The following RNF25 variants were observed in gnomAD, a reference collection of about 807,000 sequenced individuals.
The protein encoded by RNF25 is E3 ubiquitin-protein ligase RNF25.
RNF25 carries 32 observed loss-of-function variants against 65.0 expected under a neutral mutation model. That is an observed-to-expected ratio of 0.49 (90% CI 0.37 to 0.66). The LOEUF (loss-of-function observed/expected upper bound fraction) is 0.66. RNF25 is among the 30% of genes least tolerant of loss of function. The probability of loss-of-function intolerance (pLI) is 0.00; values close to 1 mark genes in which losing one functional copy is unlikely to be tolerated. For synonymous variants in RNF25, 207 were observed against 221.2 expected (o/e 0.94, Z 0.57); for missense variants, 493 against 584.8 (o/e 0.84, Z 1.62).
At position 218,668,079 on chromosome 2, in the gene RNF25, G is replaced by T. The variant is rs772692453; in HGVS notation, c.287C>A (p.Thr96Lys). ...CCCTGTTCTGACAGGTTCAACTTAC[G>T]TGTGGATCTGTTCATCTGAAAGTCC... ...PRGLSDEQIH[T>K]ILQVLGHVAK... is the part of the protein sequence containing the mutation. Residue 96 changes from threonine (T) to lysine (K), a missense_variant and splice_region_variant, in exon 4 of 10, where the codon ACG (threonine) becomes AAG (lysine). By Grantham distance (78) the Thr-to-Lys change is moderately conservative (BLOSUM62 -1). Transcript: ENST00000295704. 3 of 1,614,008 alleles carry T rather than the reference G, an allele frequency of 1.9e-6. No individual in the cohort carries two copies. In the Admixed American group the frequency reaches 5.0e-5, roughly 27 times the overall value.
chr2:218,665,559 A>G (rs1167840029), intron 7 of RNF25, among the ~76,000 whole-genome samples: 2 of 152,136 alleles, frequency 1.3e-5, no homozygotes, highest in Admixed American at 6.5e-5. Context: ...CCTGGCCAAC[A>G]TGGTGAAACC....
In RNF25 at chr2:218,663,977, C is replaced by G. The variant is rs193118439; in HGVS notation, c.1360G>C (p.Glu454Gln). ...PGTRRESLGLESKDGS is the reference protein window; with the variant it reads ...PGTRRESLGLQSKDGS The stretch of plus-strand genomic sequence containing the variant: ...TCCTGCTAGGAACCATCCTTAGATT[C>G]CAGGCCCAGGGACTCCCTCCGAGTA... Residue 454 changes from glutamate (E) to glutamine (Q), a missense_variant, in exon 10 of 10, where the codon GAA becomes CAA. This residue lies in a region of RNF25 where 351 missense variants were observed against 400.2 expected (regional missense o/e 0.88). Coordinates refer to ENST00000295704, the MANE Select transcript of RNF25 (RefSeq NM_022453.3). The G allele has an allele frequency of 7.3e-5, 106 of 1,453,368 alleles. No individual in the cohort carries two copies. The Admixed American group carries it at 2.7e-3, about 36-fold the overall frequency. The allele number at this position is 1,453,368 out of a possible 1,614,324, so 90.0% of individuals were successfully genotyped here.
chr2:218,670,737 C>T (rs977253993), intron 1 of RNF25, among the ~76,000 whole-genome samples: 2 of 148,586 alleles, frequency 1.3e-5, no homozygotes, highest in African/African-American at 2.5e-5. Context: ...GGAGTGGGGA[C>T]TGAAGAATGT....
Position 218,664,359 on chromosome 2 carries a change from C to T in RNF25, c.978G>A (p.Gln326=), listed in dbSNP as rs1396166427. 5 of 1,614,196 alleles carry T rather than the reference C, an allele frequency of 3.1e-6. No individual in the cohort carries two copies. Among genetic ancestry groups the T allele is most frequent in the Non-Finnish European group, 3.4e-6 (4 of 1,180,042 alleles). ...CTTTCTGGGTTTCGCCCAACCTTTG[C>T]TGATTTGACCTGGTCCCTGGAATCT... The part of the protein sequence containing the change: ...CEKIPGTRSN[Q]QRLGETQKAM... Residue 326 remains glutamine, a synonymous_variant, in exon 10 of 10, where the codon CAG becomes CAA. Transcript: ENST00000295704. The surrounding 1 kb of genome is among the most constrained non-coding windows in gnomAD (Gnocchi z 5.1).
intron 7 of RNF25, among the ~76,000 whole-genome samples, chr2:218,665,547 A>T (rs1415440608): frequency 1.3e-5 from 2 of 152,126 alleles, no homozygotes; most frequent in Non-Finnish European, 2.9e-5. Flanking sequence ...GTTTGAGACC[A>T]GCCTGGCCAA....
rs115868270 is a variant in RNF25, at chr2:218,664,309, C to T, written c.1028G>A (p.Ser343Asn). Residue 343 changes from serine (S) to asparagine (N), a missense_variant, in exon 10 of 10, where the codon AGT (serine) becomes AAT (asparagine). By Grantham distance (46) the Ser-to-Asn change is conservative. Transcript: ENST00000295704. This position sits in a 1 kb window ranked among gnomAD's most constrained non-coding sequence, Gnocchi z 5.1. ...TTCGGGCTGTCGCCAGGGACCTCGA[C>T]TGGGCTTGGGGGGATCTAGCATAGC... is the stretch of plus-strand genomic sequence containing the variant. ...QKAMLDPPKP[S>N]RGPWRQPERR... 3.7e-6 allele frequency: 6 copies of T among 1,612,452 alleles called. No individual in the cohort carries two copies. Among genetic ancestry groups the T allele is most frequent in the Admixed American group, 3.3e-5 (2 of 59,960 alleles).
chr2:218,668,718 C>T (rs751010553), intron 1 of RNF25, 39 bp from the exon 2 acceptor site: 1 of 1,438,118 alleles, frequency 7.0e-7, no homozygotes, highest in Admixed American at 1.7e-5. Context: ...CATTACAGCT[C>T]TCCCTGTGGA....
At chr2:218,665,029 T>C (rs1939791331) in intron 8 of RNF25, 126 bp downstream of exon 8, 10 of 1,431,916 alleles carry the variant, frequency 7.0e-6, no homozygotes, top group Non-Finnish European at 9.7e-6. Context: ...GATGTGGCTT[T>C]GCAGAGAGGT....
At chr2:218,666,465 T>C (rs1227463277) in intron 5 of RNF25, among the ~76,000 whole-genome samples, 1 of 152,234 alleles carries the variant, frequency 6.6e-6, no homozygotes, top group Non-Finnish European at 1.5e-5. Context: ...AACCTAATTG[T>C]TTTTCCTTTC....
In RNF25 at chr2:218,663,945, C is replaced by CA. The variant is rs1215902598; in HGVS notation, c.*11dup. On this transcript the variant is annotated 3_prime_UTR_variant, in exon 10 of 10. Transcript: ENST00000295704. Reference sequence around the variant, plus strand: ...CCCATCCCCAATTCCCTGTTCCCCCCACCAAGTCCTGCTAGGAACCATCCT... The same window carrying CA: ...CCCATCCCCAATTCCCTGTTCCCCCCAACCAAGTCCTGCTAGGAACCATCCT... The CA allele has an allele frequency of 2.5e-5, 36 of 1,427,796 alleles. No homozygotes were observed. The highest frequency in any genetic ancestry group is 3.3e-5 in the Non-Finnish European group (36 of 1,087,880). 88.4% of individuals were successfully genotyped at this position (1,427,796 alleles called of 1,614,324 possible). A position where few individuals can be genotyped will look rare whatever the true frequency, so the allele number is the denominator to read the frequency against.
intron 7 of RNF25, 56 bp downstream of exon 7, chr2:218,665,860 T>G: frequency 6.4e-7 from 1 of 1,560,230 alleles, no homozygotes; most frequent in Non-Finnish European, 8.7e-7. Flanking sequence ...TGGAAAAGTT[T>G]GTGAAAGGCT....
At position 218,664,915 on chromosome 2, in the gene RNF25, A is replaced by G; in HGVS notation, c.667-42T>C. 1.9e-6 allele frequency: 3 copies of G among 1,612,042 alleles called. No homozygotes were observed. Among genetic ancestry groups the G allele is most frequent in the Non-Finnish European group, 2.5e-6 (3 of 1,179,130 alleles). On this transcript the variant is annotated intron_variant, in intron 8 of 9. Coordinates refer to ENST00000295704, the MANE Select transcript of RNF25 (RefSeq NM_022453.3). This position sits in a 1 kb window ranked among gnomAD's most constrained non-coding sequence, Gnocchi z 5.1. The stretch of plus-strand genomic sequence containing the variant: ...CAGAGAGGAAATAATGAACAGCAGA[A>G]GGCTGACTCAAACCTCTACTCCTCC...
Position 218,664,304 on chromosome 2 carries a change from C to T in RNF25, c.1033G>A (p.Gly345Ser), listed in dbSNP as rs1461116397. 1 of 1,611,990 alleles carries T rather than the reference C, an allele frequency of 6.2e-7. No individual in the cohort carries two copies. The highest frequency in any genetic ancestry group is 1.7e-5 in the Admixed American group (1 of 59,954). ...AMLDPPKPSR[G>S]PWRQPERRHP... ...CTCCGTTCGGGCTGTCGCCAGGGAC[C>T]TCGACTGGGCTTGGGGGGATCTAGC... The change falls in exon 10 of 10, where the codon GGT becomes AGT. Residue 345 changes from glycine to serine, a missense_variant. Coordinates refer to ENST00000295704, the MANE Select transcript of RNF25 (RefSeq NM_022453.3). This position sits in a 1 kb window ranked among gnomAD's most constrained non-coding sequence, Gnocchi z 5.1.
At position 218,664,034 on chromosome 2, in the gene RNF25, G is replaced by A; in HGVS notation, c.1303C>T (p.Leu435=). The A allele has an allele frequency of 1.3e-6, 2 of 1,497,648 alleles. No individual in the cohort carries two copies. The highest frequency in any genetic ancestry group is 1.8e-6 in the Non-Finnish European group (2 of 1,123,582). The allele number at this position is 1,497,648 out of a possible 1,614,324, so 92.8% of individuals were successfully genotyped here. A position where few individuals can be genotyped will look rare whatever the true frequency, so the allele number is the denominator to read the frequency against. Reference sequence around the variant, plus strand: ...CGGTATGCTCCCTGGCCCCGAGGCAGGCGAGGGTAGGAAGAACCGGGTGTC... The same window carrying A: ...CGGTATGCTCCCTGGCCCCGAGGCAAGCGAGGGTAGGAAGAACCGGGTGTC... ...GRTPGSSYPR[L]PRGQGAYRPG... Residue 435 remains leucine, a synonymous_variant, in exon 10 of 10, where the codon CTG becomes TTG. Transcript: ENST00000295704. This position sits in a 1 kb window ranked among gnomAD's most constrained non-coding sequence, Gnocchi z 5.1.
chr2:218,671,212 T>C (rs972003421), intron 1 of RNF25, among the ~76,000 whole-genome samples: 1 of 151,790 alleles, frequency 6.6e-6, no homozygotes. Context: ...GACTTAAGTA[T>C]ATTACAAATC....
At chr2:218,669,762 T>G (rs981356276) in intron 1 of RNF25, among the ~76,000 whole-genome samples, 1 of 152,242 alleles carries the variant, frequency 6.6e-6, no homozygotes, top group Non-Finnish European at 1.5e-5. Context: ...ATGTCAGTGT[T>G]GTTAAGTCTT....
At chr2:218,670,569 G>A (rs940376815) in intron 1 of RNF25, among the ~76,000 whole-genome samples, 10 of 151,794 alleles carry the variant, frequency 6.6e-5, no homozygotes, top group Admixed American at 6.6e-5. Flanking sequence ...GGTGGCGGGC[G>A]CCTGTAGTCC....
intron 3 of RNF25, 39 bp from the exon 4 acceptor site, chr2:218,668,185 C>T (rs766323653): frequency 5.6e-6 from 9 of 1,612,652 alleles, no homozygotes; most frequent in South Asian, 1.1e-5. Flanking sequence ...TGAAGCGGTC[C>T]ACCCCAGGGA....
Position 218,664,985 on chromosome 2 carries a change from G to T in RNF25, c.667-112C>A. ...TGCACTGGTTTTGCCCCTCAGGTCT[G>T]GGCTCCCAGAGTCTTAGGCTCCCGC... On this transcript the variant is annotated intron_variant, in intron 8 of 9. Coordinates refer to ENST00000295704, the MANE Select transcript of RNF25 (RefSeq NM_022453.3). The surrounding 1 kb of genome is among the most constrained non-coding windows in gnomAD (Gnocchi z 5.1). 1 of 1,513,258 alleles carries T rather than the reference G, an allele frequency of 6.6e-7. No homozygotes were observed. The allele number at this position is 1,513,258 out of a possible 1,614,324, so 93.7% of individuals were successfully genotyped here.
Sources: allele counts gnomAD v4.1 joint callset (sites outside exome capture counted in the v4.1 genomes callset), GRCh38; gene constraint gnomAD v4.1.1; regional missense constraint gnomAD v4.1.1; non-coding constraint Gnocchi (gnomAD v3.1); transcripts MANE v1.5; gene names NCBI Gene and HGNC (gene_info 2026-07-23, HGNC 2026-07-21).